MASP1: variants seen among roughly 807,000 people sequenced by gnomAD.
The protein encoded by MASP1 is MBL associated serine protease 1.
A neutral mutation model predicts 77.1 loss-of-function variants in MASP1; 59 were observed. That is an observed-to-expected ratio of 0.77 (90% CI 0.62 to 0.95). The LOEUF is 0.95. Ranked by LOEUF, MASP1 falls within the 40% of genes least tolerant of loss-of-function variation. The pLI, the probability that MASP1 is intolerant of heterozygous loss-of-function variation, is 0.00. For missense variants in MASP1, 885 were observed against 912.9 expected (o/e 0.97, Z 0.39); for synonymous variants, 362 against 354.5 (o/e 1.02, Z -0.24).
At chr3:187,287,212 T>G (rs1717933949) in intron 1 of MASP1, among the ~76,000 whole-genome samples, 1 of 152,184 alleles carries the variant, frequency 6.6e-6, no homozygotes, top group Non-Finnish European at 1.5e-5. Context: ...TTGAGGCCCT[T>G]TTGATCTGGC....
intron 15 of MASP1, chr3:187,220,397 T>G (rs879862510): frequency 3.9e-5 from 28 of 719,434 alleles, no homozygotes; most frequent in Non-Finnish European, 6.5e-5. Context: ...ACCTCAGCTC[T>G]GGGCAGTTCT....
chr3:187,263,991 A>C (rs1205758102), intron 2 of MASP1, among the ~76,000 whole-genome samples: 1 of 152,210 alleles, frequency 6.6e-6, no homozygotes, highest in Admixed American at 6.5e-5. Flanking sequence ...CATGAAAAAA[A>C]TCTCTTACCA....
rs778093084 is a variant in MASP1, at chr3:187,236,202, C to G, written c.1669G>C (p.Val557Leu). The change falls in exon 11 of 11, where the codon GTG (valine) becomes CTG (leucine). Residue 557 changes from valine (V) to leucine (L), a missense_variant. Coordinates refer to ENST00000296280, the MANE Select transcript of MASP1 (RefSeq NM_139125.4). Reference sequence around the variant, plus strand: ...AGGGGCACAGGCTCCTGCAGCTGCACCAGAGCTATATCGTGGTTGTAGTTT... The same window carrying G: ...AGGGGCACAGGCTCCTGCAGCTGCAGCAGAGCTATATCGTGGTTGTAGTTT... ...IQNYNHDIAL[V>L]QLQEPVPLGP... 1.9e-6 allele frequency: 3 copies of G among 1,614,042 alleles called. No homozygotes were observed. Among genetic ancestry groups the G allele is most frequent in the Non-Finnish European group, 2.5e-6 (3 of 1,180,054 alleles).
chr3:187,285,454 GACATAATTATGGTTCTCTTTCCAT>G, intron 2 of MASP1, among the ~76,000 whole-genome samples: 1 of 151,824 alleles, frequency 6.6e-6, no homozygotes, highest in South Asian at 2.1e-4. Context: ...CTCAACTTTG[GACATAATTATGGTTCTCTTTCCAT>G]GATTACTGCT....
downstream of MASP1, chr3:187,234,043 C>A (rs1055376707): frequency 9.3e-6 from 11 of 1,187,610 alleles, no homozygotes; most frequent in African/African-American, 1.4e-4. Context: ...AACAAATGAA[C>A]ACACTTCCCC....
At chr3:187,256,543 A>G (rs1051305297) in intron 5 of MASP1, 121 bp downstream of exon 5, 2 of 883,024 alleles carry the variant, frequency 2.3e-6, no homozygotes, top group Middle Eastern at 3.3e-4. Context: ...TGCCTTTTTG[A>G]GGAACTAGCT....
chr3:187,224,626 G>T lies in MASP1; in HGVS notation c.1741+698C>A, dbSNP rs1374076974. ...CTCCCAAAGTGCTGGGATTACAGGC[G>T]TGAGCCACCGCGCCCGGCCTGTGCT... On this transcript the variant is annotated intron_variant, in intron 13 of 15. Transcript: ENST00000337774. Among the ~76,000 whole-genome samples, 8 of 152,154 alleles carry T rather than the reference G, an allele frequency of 5.3e-5. No homozygotes were observed. In the South Asian group the frequency reaches 6.2e-4, roughly 12 times the overall value.
intron 1 of MASP1, among the ~76,000 whole-genome samples, chr3:187,290,858 G>T (rs988497039): frequency 2.6e-5 from 4 of 151,956 alleles, no homozygotes; most frequent in African/African-American, 9.7e-5. Context: ...TTTCAGACTT[G>T]CAGGATAGAA....
At chr3:187,262,485 GT>G (rs1715670557) in intron 3 of MASP1, 57 bp downstream of exon 3, 1 of 1,564,890 alleles carries the variant, frequency 6.4e-7, no homozygotes, top group Non-Finnish European at 8.8e-7. Context: ...TCACAAGGCA[GT>G]TTTCATCTTC....
At chr3:187,274,860 G>T (rs1716830772) in intron 2 of MASP1, among the ~76,000 whole-genome samples, 1 of 151,304 alleles carries the variant, frequency 6.6e-6, no homozygotes. Flanking sequence ...AGCAGAGGGA[G>T]AAGAAAGAGC....
At chr3:187,239,583 A>G (rs541918376) in intron 10 of MASP1, among the ~76,000 whole-genome samples, 1 of 152,046 alleles carries the variant, frequency 6.6e-6, no homozygotes. Flanking sequence ...TTTTGCTCAC[A>G]TGGTCTTTTA....
intron 3 of MASP1, among the ~76,000 whole-genome samples, chr3:187,261,134 A>T (rs1715543374): frequency 6.6e-6 from 1 of 152,218 alleles, no homozygotes; most frequent in Non-Finnish European, 1.5e-5. Flanking sequence ...TGGTGGGACC[A>T]CTATCCTCTA....
At chr3:187,230,472 C>T (rs1442562835), downstream of MASP1, among the ~76,000 whole-genome samples, 1 of 152,166 alleles carries the variant, frequency 6.6e-6, no homozygotes, top group South Asian at 2.1e-4. Context: ...CTATAAATTC[C>T]CTTTTTTCCC....
chr3:187,224,592 C>T (rs577710651), intron 13 of MASP1, among the ~76,000 whole-genome samples: 1 of 151,998 alleles, frequency 6.6e-6, no homozygotes, highest in South Asian at 2.1e-4. Flanking sequence ...GTGATCCGCC[C>T]GCCTCGGCCT....
At chr3:187,254,045 G>T (rs1432614606) in intron 5 of MASP1, among the ~76,000 whole-genome samples, 1 of 152,136 alleles carries the variant, frequency 6.6e-6, no homozygotes, top group East Asian at 1.9e-4. Flanking sequence ...ACGTATTGTG[G>T]CTCAGAGAAG....
At chr3:187,277,232 A>C (rs73886141) in intron 2 of MASP1, among the ~76,000 whole-genome samples, 2 of 152,094 alleles carry the variant, frequency 1.3e-5, no homozygotes, top group African/African-American at 4.8e-5. Flanking sequence ...TTCCACTGCC[A>C]GGAGACATGT....
At chr3:187,240,648 T>C (rs184727430) in intron 10 of MASP1, among the ~76,000 whole-genome samples, 72 of 152,306 alleles carry the variant, frequency 4.7e-4, no homozygotes, top group African/African-American at 1.4e-3. Context: ...TATTTATTTT[T>C]CAAGACAGAG....
intron 2 of MASP1, among the ~76,000 whole-genome samples, chr3:187,269,493 G>T (rs149052848): frequency 1.3e-3 from 197 of 152,242 alleles, no homozygotes; most frequent in Admixed American, 0.01. Flanking sequence ...CTTACAGAAA[G>T]GAAAGAATGT....
chr3:187,286,916 T>G (rs1717908431), intron 1 of MASP1, among the ~76,000 whole-genome samples: 1 of 152,190 alleles, frequency 6.6e-6, no homozygotes, highest in African/African-American at 2.4e-5. Flanking sequence ...CATCAACCAG[T>G]TCCCTGGCCT....
Sources: gnomAD v4.1 joint callset for allele counts (sites outside exome capture counted in the v4.1 genomes callset) on GRCh38, gnomAD v4.1.1 for gene constraint, MANE v1.5 for transcripts, NCBI Gene and HGNC (gene_info 2026-07-23, HGNC 2026-07-21) for gene names.